Variants in NKAIN2 observed in about 807,000 individuals in gnomAD.
NKAIN2 encodes sodium/potassium transporting ATPase interacting 2.
In NKAIN2, 14 loss-of-function variants were observed where a neutral mutation model predicts 32.6. That is an observed-to-expected ratio of 0.43 (90% CI 0.28 to 0.67). NKAIN2 has a LOEUF of 0.67. Ranked by LOEUF, NKAIN2 falls within the 30% of genes least tolerant of loss-of-function variation. The probability of loss-of-function intolerance (pLI) is 0.17; values close to 1 mark genes in which losing one functional copy is unlikely to be tolerated. For synonymous variants in NKAIN2, 80 were observed against 87.2 expected, an observed-to-expected ratio of 0.92 and a Z score of 0.46; for missense variants, 198 against 258.3, an observed-to-expected ratio of 0.77 and a Z score of 1.60.
chr6:124,662,766 T>C (rs573056042), intron 4 of NKAIN2, among the ~76,000 whole-genome samples: 7 of 152,218 alleles, frequency 4.6e-5, no homozygotes, highest in Admixed American at 2.6e-4. Context: ...GTAGCTGATA[T>C]GTATGTTGTA....
intron 4 of NKAIN2, among the ~76,000 whole-genome samples, chr6:124,700,548 C>A (rs573130501): frequency 6.6e-6 from 1 of 152,200 alleles, no homozygotes; most frequent in South Asian, 2.1e-4. Flanking sequence ...TTATTTCTGC[C>A]AGCTTTCTTC....
At chr6:123,820,976 GC>G (rs1156670060) in intron 1 of NKAIN2, among the ~76,000 whole-genome samples, 11 of 152,240 alleles carry the variant, frequency 7.2e-5, no homozygotes, top group Middle Eastern at 3.4e-3. Context: ...ACAAACCATA[GC>G]GGGGAAAACA....
At chr6:124,765,082 C>CA (rs1301435459) in intron 4 of NKAIN2, among the ~76,000 whole-genome samples, 1 of 152,190 alleles carries the variant, frequency 6.6e-6, no homozygotes, top group Non-Finnish European at 1.5e-5. Context: ...CTAAGACCCT[C>CA]AGATGGAAGC....
chr6:124,424,088 G>T (rs1453497254), intron 3 of NKAIN2, among the ~76,000 whole-genome samples: 2 of 151,986 alleles, frequency 1.3e-5, no homozygotes, highest in African/African-American at 4.8e-5. Context: ...CTGCCTCCCG[G>T]GTTCACGCCG....
At chr6:124,147,355 G>A (rs113820256) in intron 1 of NKAIN2, among the ~76,000 whole-genome samples, 14 of 152,098 alleles carry the variant, frequency 9.2e-5, no homozygotes, top group South Asian at 4.2e-4. Flanking sequence ...CTCTTGACCC[G>A]TGGTTGTTAA....
chr6:124,204,349 T>C (rs148672573), intron 1 of NKAIN2, among the ~76,000 whole-genome samples: 2,028 of 151,874 alleles, frequency 0.013, 44 homozygotes, highest in African/African-American at 0.047. Flanking sequence ...AATAAGCCAT[T>C]TACCTATGGG....
At chr6:124,046,358 A>C (rs1278480301) in intron 1 of NKAIN2, among the ~76,000 whole-genome samples, 1 of 151,974 alleles carries the variant, frequency 6.6e-6, no homozygotes, top group Non-Finnish European at 1.5e-5. Context: ...TGTTCCACTA[A>C]AAAAGGATTC....
At chr6:123,822,468 C>G (rs1325972846) in intron 1 of NKAIN2, among the ~76,000 whole-genome samples, 3 of 152,094 alleles carry the variant, frequency 2.0e-5, no homozygotes, top group Non-Finnish European at 4.4e-5. Context: ...AAGGAGTTTT[C>G]CATGTGGTTA....
chr6:124,110,139 C>G lies in NKAIN2; in HGVS notation c.55-172866C>G, dbSNP rs890642875. On this transcript the variant is annotated intron_variant, in intron 1 of 6. Coordinates refer to ENST00000368417, the MANE Select transcript of NKAIN2 (RefSeq NM_001040214.3). Reference sequence around the variant, plus strand: ...GAGTTTGTAAATGTTCCCTCATTTTCTTTTTTTTTTTTTTCCAACAGCACA... The same window carrying G: ...GAGTTTGTAAATGTTCCCTCATTTTGTTTTTTTTTTTTTTCCAACAGCACA... 1.3e-4 allele frequency among the ~76,000 whole-genome samples: 18 copies of G among 135,552 alleles called. No individual in the cohort carries two copies. The South Asian group carries it at 4.3e-3, about 32-fold the overall frequency. The allele number at this position is 135,552 out of a possible 152,430, so 88.9% of individuals were successfully genotyped here.
intron 4 of NKAIN2, among the ~76,000 whole-genome samples, chr6:124,689,011 T>G (rs1774132313): frequency 6.6e-6 from 1 of 152,140 alleles, no homozygotes; most frequent in Admixed American, 6.6e-5. Flanking sequence ...CAATTGCTAG[T>G]TCATTTGGTA....
chr6:124,374,931 C>T (rs2114343107), intron 3 of NKAIN2, among the ~76,000 whole-genome samples: 1 of 152,078 alleles, frequency 6.6e-6, no homozygotes. Flanking sequence ...GCTGAAATGG[C>T]CTCTGCTATC....
At chr6:124,262,056 A>T (rs1287436343) in intron 1 of NKAIN2, among the ~76,000 whole-genome samples, 1 of 152,090 alleles carries the variant, frequency 6.6e-6, no homozygotes, top group African/African-American at 2.4e-5. Context: ...GGGCAGAGCC[A>T]GGTGTTATTC....
intron 6 of NKAIN2, among the ~76,000 whole-genome samples, chr6:124,821,529 A>G (rs1212258379): frequency 1.3e-5 from 2 of 152,160 alleles, no homozygotes; most frequent in African/African-American, 2.4e-5. Context: ...GCTTTAAAGA[A>G]GAGACTCTAC....
intron 1 of NKAIN2, among the ~76,000 whole-genome samples, chr6:124,157,268 T>TACACAC (rs869207926): frequency 1.1e-5 from 1 of 89,528 alleles, no homozygotes; most frequent in Non-Finnish European, 2.4e-5. Flanking sequence ...CACACACACA[T>TACACAC]ACACACACAC....
chr6:124,405,796 C>T (rs78669858), intron 3 of NKAIN2, among the ~76,000 whole-genome samples: 10,048 of 152,138 alleles, frequency 0.066, 989 homozygotes, highest in African/African-American at 0.21. Context: ...AAGTTTAATA[C>T]ATTTTGCATT....
At chr6:124,101,595 G>GT (rs1178580110) in intron 1 of NKAIN2, among the ~76,000 whole-genome samples, 1 of 151,708 alleles carries the variant, frequency 6.6e-6, no homozygotes, top group Non-Finnish European at 1.5e-5. Context: ...TGTTTTTGCT[G>GT]TTTTTTTCTA....
intron 1 of NKAIN2, among the ~76,000 whole-genome samples, chr6:123,848,582 T>C (rs1775188986): frequency 6.6e-6 from 1 of 152,222 alleles, no homozygotes; most frequent in African/African-American, 2.4e-5. Flanking sequence ...CAATTGTAAG[T>C]TGTACAGGCC....
chr6:124,812,540 G>T (rs979559921), intron 5 of NKAIN2, among the ~76,000 whole-genome samples: 2 of 152,134 alleles, frequency 1.3e-5, no homozygotes, highest in African/African-American at 2.4e-5. Flanking sequence ...GTAGAAATAG[G>T]TTGCAATGAA....
intron 1 of NKAIN2, among the ~76,000 whole-genome samples, chr6:124,245,686 G>A (rs999237928): frequency 1.3e-5 from 2 of 152,020 alleles, no homozygotes; most frequent in Admixed American, 1.3e-4. Context: ...GGAGTTGGAC[G>A]AACATTCTAT....
Sources: gnomAD v4.1 joint callset for allele counts (sites outside exome capture counted in the v4.1 genomes callset) on GRCh38, gnomAD v4.1.1 for gene constraint, MANE v1.5 for transcripts, NCBI Gene and HGNC (gene_info 2026-07-23, HGNC 2026-07-21) for gene names.